The following MYT1L variants were observed in gnomAD, a reference collection of about 807,000 sequenced individuals.
MYT1L encodes the protein myelin transcription factor 1-like protein.
A neutral mutation model predicts 126.7 loss-of-function variants in MYT1L; 12 were observed. That is an observed-to-expected ratio of 0.09 (90% confidence interval 0.06 to 0.15). MYT1L has a LOEUF of 0.15. MYT1L is among the 10% of genes least tolerant of loss of function. The probability of loss-of-function intolerance (pLI) is 1.00; values close to 1 mark genes in which losing one functional copy is unlikely to be tolerated. For synonymous variants in MYT1L, 541 were observed against 604.2 expected, an observed-to-expected ratio of 0.90 and a Z score of 1.53; for missense variants, 979 against 1,585.2, an observed-to-expected ratio of 0.62 and a Z score of 6.49.
chr2:1,871,139 CAG>C (rs1292215008), intron 18 of MYT1L, among the ~76,000 whole-genome samples: 1 of 152,224 alleles, frequency 6.6e-6, no homozygotes, highest in Non-Finnish European at 1.5e-5. Context: ...TCCTGGTTTC[CAG>C]AGTCTGCTAA....
At chr2:1,898,039 A>G (rs1171008783) in intron 14 of MYT1L, among the ~76,000 whole-genome samples, 1 of 152,222 alleles carries the variant, frequency 6.6e-6, no homozygotes, top group Non-Finnish European at 1.5e-5. Flanking sequence ...ATAATAAACA[A>G]AACAAAAAAA....
chr2:2,220,526 TA>T (rs2093828613), intron 2 of MYT1L, among the ~76,000 whole-genome samples: 1 of 152,108 alleles, frequency 6.6e-6, no homozygotes, highest in African/African-American at 2.4e-5. Context: ...TTCAGACCTT[TA>T]AAAAGGTGCT....
intron 2 of MYT1L, among the ~76,000 whole-genome samples, chr2:2,177,261 T>C (rs1254990135): frequency 7.2e-5 from 11 of 152,228 alleles, no homozygotes; most frequent in Admixed American, 5.9e-4. Flanking sequence ...CTACCAAATA[T>C]ATATTTAGTC....
At chr2:1,880,981 A>G (rs1392186320) in intron 18 of MYT1L, among the ~76,000 whole-genome samples, 1 of 152,208 alleles carries the variant, frequency 6.6e-6, no homozygotes, top group Non-Finnish European at 1.5e-5. Flanking sequence ...ATGTTTCATC[A>G]AGCCCTTTAA....
chr2:1,954,943 G>T (rs1177010388), intron 8 of MYT1L, among the ~76,000 whole-genome samples: 1 of 150,560 alleles, frequency 6.6e-6, no homozygotes, highest in East Asian at 2.0e-4. Context: ...GTGAGAGAGA[G>T]AAAGAGAAAA....
chr2:2,175,222 C>T (rs1053794671), intron 2 of MYT1L, among the ~76,000 whole-genome samples: 11 of 152,124 alleles, frequency 7.2e-5, no homozygotes, highest in Admixed American at 2.6e-4. Flanking sequence ...GTGCCCACCA[C>T]CCCTGTGGGA....
chr2:1,814,570 T>C (rs2037333239), intron 21 of MYT1L, among the ~76,000 whole-genome samples: 3 of 152,188 alleles, frequency 2.0e-5, no homozygotes, highest in Admixed American at 2.0e-4. Context: ...TGACATCATG[T>C]CAGTGATTTT....
At chr2:1,797,231 A>G (rs1486841383) in intron 23 of MYT1L, among the ~76,000 whole-genome samples, 5 of 151,948 alleles carry the variant, frequency 3.3e-5, no homozygotes, top group African/African-American at 7.3e-5. Context: ...TGCATTAGAG[A>G]CTGGGAAGGG....
At chr2:2,287,427 C>A (rs933740289) in intron 1 of MYT1L, among the ~76,000 whole-genome samples, 3 of 152,138 alleles carry the variant, frequency 2.0e-5, no homozygotes, top group African/African-American at 7.2e-5. Flanking sequence ...CATCCTGGTG[C>A]AAAATTCTGG....
intron 1 of MYT1L, among the ~76,000 whole-genome samples, chr2:2,313,563 C>T (rs1032539350): frequency 6.6e-6 from 1 of 151,508 alleles, no homozygotes. Flanking sequence ...TAGAACATTT[C>T]TCTTCAAAGA....
chr2:1,859,122 G>A (rs1171114983), intron 18 of MYT1L, among the ~76,000 whole-genome samples: 3 of 152,086 alleles, frequency 2.0e-5, no homozygotes, highest in Non-Finnish European at 2.9e-5. Flanking sequence ...TCTCCCATTC[G>A]GCTTGGTTTC....
At chr2:2,076,854 G>A (rs1361417797) in intron 3 of MYT1L, among the ~76,000 whole-genome samples, 1 of 152,122 alleles carries the variant, frequency 6.6e-6, no homozygotes, top group African/African-American at 2.4e-5. Flanking sequence ...AAATGTCCCT[G>A]AAAGGGCTCA....
chr2:2,198,928 A>G (rs780316516), intron 2 of MYT1L, among the ~76,000 whole-genome samples: 13 of 152,126 alleles, frequency 8.5e-5, no homozygotes, highest in Non-Finnish European at 1.3e-4. Flanking sequence ...CTGTGTATAT[A>G]TGCATTGAAA....
At chr2:1,905,535 G>A (rs1363460125) in intron 13 of MYT1L, among the ~76,000 whole-genome samples, 1 of 151,980 alleles carries the variant, frequency 6.6e-6, no homozygotes, top group African/African-American at 2.4e-5. Context: ...TCTATTTTTA[G>A]TGGAGACAGG....
intron 3 of MYT1L, among the ~76,000 whole-genome samples, chr2:2,083,418 G>T (rs1262632966): frequency 6.6e-6 from 1 of 152,198 alleles, no homozygotes; most frequent in Non-Finnish European, 1.5e-5. Flanking sequence ...TGTCACAGCT[G>T]TCTTCACCTT....
At chr2:1,821,389 A>G (rs2038503878) in intron 21 of MYT1L, among the ~76,000 whole-genome samples, 1 of 152,014 alleles carries the variant, frequency 6.6e-6, no homozygotes, top group Non-Finnish European at 1.5e-5. Context: ...TTTACATTTT[A>G]ACTTTCAAAG....
intron 3 of MYT1L, among the ~76,000 whole-genome samples, chr2:2,110,502 G>T (rs762554319): frequency 1.3e-5 from 2 of 151,746 alleles, no homozygotes; most frequent in Non-Finnish European, 2.9e-5. Flanking sequence ...GCTCTCACTC[G>T]ATTGGCTCTT....
intron 3 of MYT1L, among the ~76,000 whole-genome samples, chr2:2,154,374 A>G (rs549835572): frequency 6.6e-6 from 1 of 152,222 alleles, no homozygotes; most frequent in Non-Finnish European, 1.5e-5. Flanking sequence ...AAGAATAGAT[A>G]CTAGAGTCTA....
chr2:1,817,157 A>G (rs1420689963), intron 21 of MYT1L: 2 of 152,264 alleles, frequency 1.3e-5, no homozygotes, highest in Non-Finnish European at 2.9e-5. Flanking sequence ...AGTCATATCT[A>G]TTAGGGATCT....
Sources: gnomAD v4.1 joint callset for allele counts (sites outside exome capture counted in the v4.1 genomes callset) on GRCh38, gnomAD v4.1.1 for gene constraint, MANE v1.5 for transcripts, NCBI Gene and HGNC (gene_info 2026-07-23, HGNC 2026-07-21) for gene names.